DGAT2L6: variants seen among roughly 807,000 people sequenced by gnomAD.
The protein encoded by DGAT2L6 is diacylglycerol O-acyltransferase 2-like protein 6.
A neutral mutation model predicts 25.5 loss-of-function variants in DGAT2L6; 22 were observed. The ratio of observed to expected loss-of-function variants is 0.86; its 90% confidence interval spans 0.62 to 1.23. DGAT2L6 has a LOEUF of 1.23. DGAT2L6 is among the 50% of genes most tolerant of loss of function. The pLI, the probability that DGAT2L6 is intolerant of heterozygous loss-of-function variation, is 0.00. For synonymous variants in DGAT2L6, 100 were observed against 94.7 expected (o/e 1.06, Z -0.32); for missense variants, 287 against 253.2 (o/e 1.13, Z -0.91).
rs757951033 is a variant in DGAT2L6 at position 70,196,981 on chromosome X, C to CT, written c.86-2281dup. On this transcript the variant is annotated intron_variant, in intron 1 of 6. Transcript: ENST00000333026. ...GCGCATATATTAGTTTTTTTTTCTT[C>CT]TTTTTTTTTCTTTTCTTTTCCCCCA... 5.4e-3 allele frequency among the ~76,000 whole-genome samples: 587 copies of CT among 109,418 alleles called. 6 individuals are homozygous for CT. Among genetic ancestry groups the CT allele is most frequent in the African/African-American group, 0.018 (542 of 30,138 alleles).
rs192642215 is a variant in DGAT2L6 at position 70,201,194 on chromosome X, C to G, written c.473-696C>G. 3.0e-3 allele frequency among the ~76,000 whole-genome samples: 331 copies of G among 112,170 alleles called. 2 individuals carry two copies. The highest frequency in any genetic ancestry group is 0.01 in the African/African-American group (315 of 30,859). On this transcript the variant is annotated intron_variant, in intron 4 of 6. Coordinates refer to ENST00000333026, the MANE Select transcript of DGAT2L6 (RefSeq NM_198512.3). ...TAGAGTCCCAGAGGATGCTTCTACT[C>G]TGCTCTGAGGTTAGCATGGCCCTGG... is the stretch of plus-strand genomic sequence containing the variant.
chrX:70,180,570 G>A (rs1013508805), intron 1 of DGAT2L6, among the ~76,000 whole-genome samples: 10 of 111,273 alleles, frequency 9.0e-5, no homozygotes, highest in African/African-American at 1.3e-4. Context: ...AAAATTTACC[G>A]TTTTAACCAT....
intron 4 of DGAT2L6, among the ~76,000 whole-genome samples, chrX:70,201,082 T>C (rs764422128): frequency 2.7e-5 from 3 of 111,955 alleles, no homozygotes; most frequent in African/African-American, 9.7e-5. Context: ...TCTGGACAAA[T>C]AGTCATCCTT....
rs2085426962 is a variant in DGAT2L6, at chrX:70,205,699, A to G, written c.*593A>G. Reference sequence around the variant, plus strand: ...GAAAATAAAGTTCTAGACATATAAAACAGGATACCACTATTTCCTGATTAT... The same window carrying G: ...GAAAATAAAGTTCTAGACATATAAAGCAGGATACCACTATTTCCTGATTAT... On this transcript the variant is annotated 3_prime_UTR_variant, in exon 7 of 7. Coordinates refer to ENST00000333026, the MANE Select transcript of DGAT2L6 (RefSeq NM_198512.3). 8.9e-6 allele frequency among the ~76,000 whole-genome samples: 1 copy of G among 111,802 alleles called. No homozygotes were observed. Among genetic ancestry groups the G allele is most frequent in the Admixed American group, 9.4e-5 (1 of 10,586 alleles).
chrX:70,180,279 T>C (rs996040354), intron 1 of DGAT2L6, among the ~76,000 whole-genome samples: 7 of 110,170 alleles, frequency 6.4e-5, no homozygotes, highest in Non-Finnish European at 7.6e-5. Context: ...TGAAACCCCA[T>C]CTCTACTAAA....
chrX:70,203,913 T>G, intron 5 of DGAT2L6, among the ~76,000 whole-genome samples: 1 of 105,046 alleles, frequency 9.5e-6, no homozygotes, highest in African/African-American at 3.5e-5. Context: ...AAGGAAAGAG[T>G]GGGGAAAGGG....
chrX:70,187,616 G>T (rs2085363390), intron 1 of DGAT2L6, among the ~76,000 whole-genome samples: 1 of 111,303 alleles, frequency 9.0e-6, no homozygotes, highest in Admixed American at 9.5e-5. Flanking sequence ...TGATAAACCA[G>T]CCATGTCCTT....
intron 5 of DGAT2L6, 143 bp downstream of exon 5, chrX:70,202,207 C>T: frequency 3.9e-6 from 2 of 514,037 alleles, no homozygotes; most frequent in Non-Finnish European, 2.8e-6. Context: ...TCACATTGTG[C>T]CTTAGGGATG....
At chrX:70,180,937 T>C (rs776963459) in intron 1 of DGAT2L6, among the ~76,000 whole-genome samples, 1 of 112,263 alleles carries the variant, frequency 8.9e-6, no homozygotes, top group South Asian at 3.7e-4. Flanking sequence ...CACATATTGT[T>C]TTCCATTCAT....
chrX:70,203,430 G>A (rs968870215), intron 5 of DGAT2L6, among the ~76,000 whole-genome samples: 2 of 112,021 alleles, frequency 1.8e-5, no homozygotes, highest in Non-Finnish European at 3.8e-5. Context: ...CCAGAATAGA[G>A]GTTTCATAGG....
chrX:70,192,918 A>G (rs1002268454), intron 1 of DGAT2L6, among the ~76,000 whole-genome samples: 2 of 112,225 alleles, frequency 1.8e-5, no homozygotes, highest in Non-Finnish European at 3.8e-5. Flanking sequence ...GAACAATCAT[A>G]TGCCAACAAA....
chrX:70,182,386 C>A (rs1467315286), intron 1 of DGAT2L6, among the ~76,000 whole-genome samples: 2 of 108,054 alleles, frequency 1.9e-5, no homozygotes, highest in Non-Finnish European at 3.8e-5. Flanking sequence ...ATCTCAATAT[C>A]CTTTTTCCTG....
At chrX:70,182,076 G>A (rs2085344939) in intron 1 of DGAT2L6, among the ~76,000 whole-genome samples, 1 of 110,383 alleles carries the variant, frequency 9.1e-6, no homozygotes, top group Admixed American at 9.6e-5. Flanking sequence ...ATCTTGCTCA[G>A]AGCCTCCCTC....
intron 1 of DGAT2L6, among the ~76,000 whole-genome samples, chrX:70,188,869 C>A (rs1219927643): frequency 1.9e-5 from 2 of 108,087 alleles, no homozygotes; most frequent in Non-Finnish European, 3.8e-5. Context: ...CATGAAAAAA[C>A]CCCATGTAAT....
chrX:70,204,504 A>G lies in DGAT2L6; in HGVS notation c.847A>G (p.Ile283Val), dbSNP rs767628968. ...SWGFLPFNRP[I>V]TTVVGEPLPI... ...GGGCTTCCTGCCTTTCAATCGGCCCATTACCACTGTTGGTGAGCTTTCCCT... is the reference window on the plus strand; with the variant it reads ...GGGCTTCCTGCCTTTCAATCGGCCCGTTACCACTGTTGGTGAGCTTTCCCT... The change falls in exon 6 of 7, where the codon ATT becomes GTT. Residue 283 changes from isoleucine (I) to valine (V), a missense_variant. Ile to Val is a conservative substitution (Grantham distance 29). Coordinates refer to ENST00000333026, the MANE Select transcript of DGAT2L6 (RefSeq NM_198512.3). 10 of 1,208,464 alleles carry G rather than the reference A, an allele frequency of 8.3e-6. No homozygotes were observed. Among genetic ancestry groups the G allele is most frequent in the East Asian group, 3.0e-5 (1 of 33,747 alleles).
Position 70,199,303 on chromosome X carries a change from C to G in DGAT2L6, c.118C>G (p.Leu40Val), listed in dbSNP as rs770984002. The change falls in exon 2 of 7, where the codon CTG becomes GTG. Residue 40 changes from leucine to valine, a missense_variant. Coordinates refer to ENST00000333026, the MANE Select transcript of DGAT2L6 (RefSeq NM_198512.3). ...AIPILLIPYF[L>V]LFSKFWPLAV... is the part of the protein sequence containing the mutation. The stretch of plus-strand genomic sequence containing the variant: ...TCCCATTCTCCTTATACCCTACTTT[C>G]TGTTATTCAGTAAGTTCTGGCCCTT... 4.2e-6 allele frequency: 5 copies of G among 1,192,974 alleles called. No homozygotes were observed. In the Admixed American group the frequency reaches 1.2e-4, roughly 28 times the overall value.
intron 1 of DGAT2L6, among the ~76,000 whole-genome samples, chrX:70,190,450 G>A (rs2085372406): frequency 8.9e-6 from 1 of 111,786 alleles, no homozygotes; most frequent in African/African-American, 3.3e-5. Flanking sequence ...GCTGTTTTGA[G>A]AGGGCAGGCC....
intron 1 of DGAT2L6, among the ~76,000 whole-genome samples, chrX:70,192,102 A>G (rs1036514244): frequency 6.3e-5 from 7 of 111,217 alleles, no homozygotes; most frequent in Admixed American, 2.9e-4. Context: ...TAATAAAATT[A>G]CCCAGGCATG....
intron 5 of DGAT2L6, among the ~76,000 whole-genome samples, chrX:70,203,694 A>AGACG (rs1038814353): frequency 1.8e-5 from 2 of 111,102 alleles, no homozygotes; most frequent in African/African-American, 6.5e-5. Flanking sequence ...GGTAAGCACT[A>AGACG]GATGAGGGGT....
Sources: allele counts gnomAD v4.1 joint callset (sites outside exome capture counted in the v4.1 genomes callset), GRCh38; gene constraint gnomAD v4.1.1; transcripts MANE v1.5; gene names NCBI Gene and HGNC (gene_info 2026-07-23, HGNC 2026-07-21).